The following BIN2 variants were observed in gnomAD, a reference collection of about 807,000 sequenced individuals.
The protein encoded by BIN2 is bridging integrator 2.
Under a neutral mutation model 67.9 loss-of-function variants are expected in BIN2, and 43 were observed. That is an observed-to-expected ratio of 0.63 (90% CI 0.50 to 0.82). The LOEUF is 0.82. Ranked by LOEUF, BIN2 falls within the 40% of genes least tolerant of loss-of-function variation. BIN2 has a pLI of 0.00. For missense variants in BIN2, 581 were observed against 671.6 expected (o/e 0.87, Z 1.49); for synonymous variants, 244 against 246.8 (o/e 0.99, Z 0.11).
At chr12:51,323,935 A>C (rs894479817) in intron 1 of BIN2, 87 bp downstream of exon 1, 1 of 1,542,890 alleles carries the variant, frequency 6.5e-7, no homozygotes. Context: ...GCCCCTGAGC[A>C]CCCTGCCCGC....
At chr12:51,295,578 ATATATATATATATATATATATATAT>A (rs1391094838) in intron 9 of BIN2, among the ~76,000 whole-genome samples, 193 bp downstream of exon 9, 11,223 of 59,480 alleles carry the variant, frequency 0.19, 2,241 homozygotes, top group Non-Finnish European at 0.27. Flanking sequence ...AAAAAAAAAA[ATATATATATATATATATATATATAT>A]ATATATATAT....
chr12:51,287,728 T>G (rs1267918268), intron 11 of BIN2, among the ~76,000 whole-genome samples: 1 of 151,096 alleles, frequency 6.6e-6, no homozygotes, highest in East Asian at 2.0e-4. Context: ...CTCGGCTCAC[T>G]GCAAGCTCCA....
intron 2 of BIN2, among the ~76,000 whole-genome samples, chr12:51,310,838 G>A (rs1945974289): frequency 6.6e-6 from 1 of 151,948 alleles, no homozygotes; most frequent in South Asian, 2.1e-4. Flanking sequence ...AAAGCTCACT[G>A]TAGCCTCGAC....
chr12:51,316,298 C>T (rs972127785), intron 1 of BIN2, among the ~76,000 whole-genome samples: 1 of 137,486 alleles, frequency 7.3e-6, no homozygotes, highest in African/African-American at 2.8e-5. Context: ...ACCTGGCTAA[C>T]AGGGTAAAAC....
At position 51,299,260 on chromosome 12, in the gene BIN2, G is replaced by A. The variant is rs761578835; in HGVS notation, c.545C>T (p.Thr182Ile). ...TTCTTGGTTCAGATCTTCAAACACAGTCTGGGCTTTGTTGAACTCTTCCTC... is the reference window on the plus strand; with the variant it reads ...TTCTTGGTTCAGATCTTCAAACACAATCTGGGCTTTGTTGAACTCTTCCTC... ...KAEEEFNKAQTVFEDLNQELL... is the reference protein window; with the variant it reads ...KAEEEFNKAQIVFEDLNQELL... Residue 182 changes from threonine (T) to isoleucine (I), a missense_variant, in exon 7 of 13, where the codon ACT becomes ATT. Transcript: ENST00000615107. 3 of 1,613,834 alleles carry A rather than the reference G, an allele frequency of 1.9e-6. No individual in the cohort carries two copies. Among genetic ancestry groups the A allele is most frequent in the East Asian group, 4.5e-5 (2 of 44,886 alleles).
chr12:51,292,033 T>A lies in BIN2; in HGVS notation c.1073A>T (p.Gln358Leu). ...TGTGGAGCTGGGGAGAACTTCCTCC[T>A]GGGACTTGGCCCTTTCAGTGGTAGG... ...PSPTTERAKS[Q>L]EEVLPSSTTP... Residue 358 changes from glutamine (Q) to leucine (L), a missense_variant, in exon 10 of 13, where the codon CAG becomes CTG. Gln to Leu is a moderately radical substitution (Grantham distance 113). Transcript: ENST00000615107. 10 of 1,614,172 alleles carry A rather than the reference T, an allele frequency of 6.2e-6. No individual in the cohort carries two copies. The highest frequency in any genetic ancestry group is 8.5e-6 in the Non-Finnish European group (10 of 1,180,012).
chr12:51,285,470 T>TA (rs1311782102), intron 11 of BIN2, among the ~76,000 whole-genome samples: 1 of 151,718 alleles, frequency 6.6e-6, no homozygotes, highest in Non-Finnish European at 1.5e-5. Context: ...ATATAAATTT[T>TA]AAAAAAAAGA....
chr12:51,324,534 TTCTCTGAGTA>T, upstream of BIN2: 1 of 1,530,632 alleles, frequency 6.5e-7, no homozygotes, highest in South Asian at 1.2e-5. Context: ...CACGTTTAGG[TTCTCTGAGTA>T]TGCATGCGAA....
chr12:51,307,155 C>T (rs1226913291), intron 2 of BIN2, among the ~76,000 whole-genome samples: 3 of 151,048 alleles, frequency 2.0e-5, no homozygotes, highest in Admixed American at 6.6e-5. Context: ...TGGTGGCACA[C>T]GCCTGTAATA....
chr12:51,312,623 T>G (rs1592277557), intron 2 of BIN2, among the ~76,000 whole-genome samples: 1 of 152,168 alleles, frequency 6.6e-6, no homozygotes, highest in East Asian at 1.9e-4. Flanking sequence ...GAAACATGAT[T>G]GCCCATGAGT....
chr12:51,319,786 T>A (rs1018972258), intron 1 of BIN2, among the ~76,000 whole-genome samples: 11 of 152,198 alleles, frequency 7.2e-5, no homozygotes, highest in Admixed American at 1.3e-4. Context: ...CATATATCTT[T>A]GGTGGCTATA....
At chr12:51,286,475 C>T (rs984566476) in intron 11 of BIN2, among the ~76,000 whole-genome samples, 15 of 152,128 alleles carry the variant, frequency 9.9e-5, no homozygotes, top group Admixed American at 6.6e-5. Context: ...TGTTACTAGC[C>T]TGTTTCTTAA....
chr12:51,310,124 G>T (rs1945959989), intron 2 of BIN2, among the ~76,000 whole-genome samples: 1 of 152,110 alleles, frequency 6.6e-6, no homozygotes, highest in Non-Finnish European at 1.5e-5. Flanking sequence ...TCTCCTGATG[G>T]AAGAATACAA....
chr12:51,299,794 A>G, intron 5 of BIN2, 80 bp from the exon 6 acceptor site: 1 of 1,212,680 alleles, frequency 8.2e-7, no homozygotes, highest in Non-Finnish European at 1.2e-6. Context: ...CCAAACAGAG[A>G]GCAAGATTCT....
intron 2 of BIN2, among the ~76,000 whole-genome samples, chr12:51,307,255 C>T (rs892975715): frequency 6.8e-6 from 1 of 146,884 alleles, no homozygotes; most frequent in Non-Finnish European, 1.5e-5. Context: ...CGTACTCTAG[C>T]CTGGGCGACA....
chr12:51,293,845 A>G (rs1246377600), intron 9 of BIN2, among the ~76,000 whole-genome samples: 14 of 152,208 alleles, frequency 9.2e-5, no homozygotes, highest in Admixed American at 8.5e-4. Flanking sequence ...TGTAGTGAGA[A>G]TGTGGACTCA....
chr12:51,287,452 C>T (rs1945266559), intron 11 of BIN2, among the ~76,000 whole-genome samples: 1 of 152,024 alleles, frequency 6.6e-6, no homozygotes, highest in East Asian at 1.9e-4. Flanking sequence ...CCTGCCTCAG[C>T]CTCCTCAGTA....
At chr12:51,316,235 G>C (rs900834551) in intron 1 of BIN2, among the ~76,000 whole-genome samples, 1 of 151,738 alleles carries the variant, frequency 6.6e-6, no homozygotes, top group Non-Finnish European at 1.5e-5. Context: ...TCATGCGCCC[G>C]GCCTTGGGAG....
intron 1 of BIN2, among the ~76,000 whole-genome samples, chr12:51,318,381 C>T (rs1306570469): frequency 6.6e-6 from 1 of 152,040 alleles, no homozygotes; most frequent in Admixed American, 6.6e-5. Flanking sequence ...TCTGCCTCAG[C>T]CTCCCAAGTA....
Sources: gnomAD v4.1 joint callset for allele counts (sites outside exome capture counted in the v4.1 genomes callset) on GRCh38, gnomAD v4.1.1 for gene constraint, MANE v1.5 for transcripts, NCBI Gene and HGNC (gene_info 2026-07-23, HGNC 2026-07-21) for gene names.